The following ZMAT4 variants were observed in gnomAD, a reference collection of about 807,000 sequenced individuals.
The protein encoded by ZMAT4 is zinc finger matrin-type 4.
ZMAT4 carries 17 observed loss-of-function variants against 28.7 expected under a neutral mutation model. The ratio of observed to expected loss-of-function variants is 0.59; its 90% CI spans 0.41 to 0.89. ZMAT4 has a LOEUF of 0.89. Ranked by LOEUF, ZMAT4 falls within the 40% of genes least tolerant of loss-of-function variation. The pLI is 0.00. For synonymous variants in ZMAT4, 117 were observed against 109.2 expected (o/e 1.07, Z -0.44); for missense variants, 240 against 283.8 (o/e 0.85, Z 1.11).
At chr8:40,846,173 C>G (rs755070383) in intron 1 of ZMAT4, among the ~76,000 whole-genome samples, 11 of 152,192 alleles carry the variant, frequency 7.2e-5, no homozygotes, top group Non-Finnish European at 1.2e-4. Context: ...CACCACCCCC[C>G]TCCCTACCAA....
intron 6 of ZMAT4, among the ~76,000 whole-genome samples, chr8:40,565,211 C>A (rs1453741106): frequency 1.3e-5 from 2 of 152,072 alleles, no homozygotes; most frequent in African/African-American, 4.8e-5. Flanking sequence ...TCAGGTGTTA[C>A]AAAATTCAAA....
chr8:40,571,412 C>T (rs1303578410), intron 6 of ZMAT4, among the ~76,000 whole-genome samples: 1 of 152,142 alleles, frequency 6.6e-6, no homozygotes, highest in Non-Finnish European at 1.5e-5. Flanking sequence ...AAGCTACTGC[C>T]TTTTCCATGT....
intron 1 of ZMAT4, among the ~76,000 whole-genome samples, chr8:40,853,358 C>A (rs535699026): frequency 2.6e-5 from 4 of 152,120 alleles, no homozygotes; most frequent in African/African-American, 4.8e-5. Context: ...AGTTCGAGAC[C>A]AGCCTGGCCA....
At chr8:40,754,411 A>T (rs1267231291) in intron 3 of ZMAT4, among the ~76,000 whole-genome samples, 1 of 152,170 alleles carries the variant, frequency 6.6e-6, no homozygotes, top group Non-Finnish European at 1.5e-5. Flanking sequence ...AGTTATAACT[A>T]TGATATATAT....
intron 2 of ZMAT4, among the ~76,000 whole-genome samples, chr8:40,823,426 A>C (rs1447873349): frequency 6.6e-6 from 1 of 152,204 alleles, no homozygotes; most frequent in Non-Finnish European, 1.5e-5. Flanking sequence ...TGGGAGGCCA[A>C]GGTGAGCAGA....
At chr8:40,607,968 G>A (rs761569981) in intron 5 of ZMAT4, among the ~76,000 whole-genome samples, 1 of 152,038 alleles carries the variant, frequency 6.6e-6, no homozygotes, top group African/African-American at 2.4e-5. Flanking sequence ...GGGGTCCTTG[G>A]TTGTGTTTTT....
intron 3 of ZMAT4, among the ~76,000 whole-genome samples, chr8:40,706,011 T>C (rs942314838): frequency 1.3e-5 from 2 of 152,186 alleles, no homozygotes; most frequent in South Asian, 4.1e-4. Flanking sequence ...CATTAGACCA[T>C]GTAGCTCCAG....
At chr8:40,609,410 A>T (rs1198385819) in intron 5 of ZMAT4, among the ~76,000 whole-genome samples, 1 of 152,106 alleles carries the variant, frequency 6.6e-6, no homozygotes, top group Non-Finnish European at 1.5e-5. Context: ...CTTCAAAAGC[A>T]GGCTCCCTCT....
At chr8:40,790,093 T>C (rs191866413) in intron 2 of ZMAT4, among the ~76,000 whole-genome samples, 3 of 152,330 alleles carry the variant, frequency 2.0e-5, no homozygotes, top group Admixed American at 2.0e-4. Flanking sequence ...CTGCCTGCCT[T>C]TGAGTCTCTG....
intron 1 of ZMAT4, among the ~76,000 whole-genome samples, chr8:40,881,718 C>T (rs541616406): frequency 1.4e-4 from 22 of 152,252 alleles, no homozygotes; most frequent in Non-Finnish European, 1.9e-4. Context: ...AAACAGCTCT[C>T]CCCAAAGCCC....
intron 1 of ZMAT4, among the ~76,000 whole-genome samples, chr8:40,850,776 C>G (rs777066115): frequency 6.6e-6 from 1 of 152,066 alleles, no homozygotes; most frequent in African/African-American, 2.4e-5. Context: ...CCTTACAGTC[C>G]GGCAGTTACA....
intron 1 of ZMAT4, among the ~76,000 whole-genome samples, chr8:40,861,524 C>G (rs1023868839): frequency 5.3e-5 from 8 of 152,182 alleles, no homozygotes; most frequent in Non-Finnish European, 5.9e-5. Context: ...GCAAGGACTT[C>G]GTGTCTAAAA....
chr8:40,797,446 T>A, intron 2 of ZMAT4, among the ~76,000 whole-genome samples: 1 of 152,158 alleles, frequency 6.6e-6, no homozygotes, highest in East Asian at 1.9e-4. Flanking sequence ...ACATCCTTAC[T>A]GAATTAAAGA....
At chr8:40,709,121 A>G (rs918565092) in intron 3 of ZMAT4, among the ~76,000 whole-genome samples, 1 of 152,196 alleles carries the variant, frequency 6.6e-6, no homozygotes, top group Non-Finnish European at 1.5e-5. Flanking sequence ...CATATAACCT[A>G]CATGCATCCT....
chr8:40,542,431 CAGGCTGG>C (rs1803067325), intron 6 of ZMAT4, among the ~76,000 whole-genome samples: 1 of 151,958 alleles, frequency 6.6e-6, no homozygotes, highest in African/African-American at 2.4e-5. Context: ...CTCTGTCACC[CAGGCTGG>C]AGTGCAGTGG....
intron 2 of ZMAT4, among the ~76,000 whole-genome samples, chr8:40,822,586 A>G (rs1586117639): frequency 6.6e-6 from 1 of 152,338 alleles, no homozygotes; most frequent in South Asian, 2.1e-4. Context: ...AGATCATCTG[A>G]TGCAAGCCAT....
intron 6 of ZMAT4, among the ~76,000 whole-genome samples, chr8:40,570,648 T>G (rs1003265833): frequency 6.6e-6 from 1 of 152,052 alleles, no homozygotes; most frequent in African/African-American, 2.4e-5. Context: ...TGCAGTGAGC[T>G]GAGATGGAAC....
intron 5 of ZMAT4, among the ~76,000 whole-genome samples, chr8:40,661,599 G>A (rs1808198717): frequency 6.6e-6 from 1 of 152,154 alleles, no homozygotes; most frequent in South Asian, 2.1e-4. Flanking sequence ...TTTCTATGGA[G>A]TTAAAGTTAT....
At position 40,813,761 on chromosome 8, in the gene ZMAT4, C is replaced by A. The variant is rs181999266; in HGVS notation, c.102+11814G>T. 7.4e-3 allele frequency among the ~76,000 whole-genome samples: 1,132 copies of A among 152,304 alleles called. 5 individuals carry two copies. The highest frequency in any genetic ancestry group is 0.012 in the Admixed American group (191 of 15,310). ...GCTTCATGGAATTAATGAAAAACAT[C>A]AATGGGAAGGATTTCTCGGACCAGA... On this transcript the variant is annotated intron_variant, in intron 2 of 6. Coordinates refer to ENST00000297737, the MANE Select transcript of ZMAT4 (RefSeq NM_024645.3).
Sources: gnomAD v4.1 joint callset for allele counts (sites outside exome capture counted in the v4.1 genomes callset) on GRCh38, gnomAD v4.1.1 for gene constraint, MANE v1.5 for transcripts, NCBI Gene and HGNC (gene_info 2026-07-23, HGNC 2026-07-21) for gene names.